Variants in PLCG2 observed in about 807,000 individuals in gnomAD.
PLCG2 encodes the protein 1-phosphatidylinositol 4,5-bisphosphate phosphodiesterase gamma-2.
Under a neutral mutation model 175.6 loss-of-function variants are expected in PLCG2, and 69 were observed. The observed-to-expected ratio is 0.39, with a 90% CI of 0.32 to 0.48. The LOEUF is 0.48. PLCG2 is among the 20% of genes least tolerant of loss of function. The pLI, the probability that PLCG2 is intolerant of heterozygous loss-of-function variation, is 0.91. For missense variants in PLCG2, 1,798 were observed against 1,650.9 expected, an observed-to-expected ratio of 1.09 and a Z score of -1.54; for synonymous variants, 827 against 624.0, an observed-to-expected ratio of 1.33 and a Z score of -4.85.
At chr16:81,866,117 C>T (rs1555513807) in intron 5 of PLCG2, among the ~76,000 whole-genome samples, 1 of 120,302 alleles carries the variant, frequency 8.3e-6, no homozygotes, top group Non-Finnish European at 1.7e-5. Flanking sequence ...ATGCTGGTCT[C>T]TCCCTTGCTC....
At chr16:81,758,371 A>T (rs1909972541) in intron 2 of PLCG2, among the ~76,000 whole-genome samples, 1 of 152,180 alleles carries the variant, frequency 6.6e-6, no homozygotes, top group South Asian at 2.1e-4. Context: ...CATTTTATGG[A>T]TAGATCACAT....
chr16:81,826,680 G>T (rs1371534199), intron 2 of PLCG2, among the ~76,000 whole-genome samples: 1 of 152,092 alleles, frequency 6.6e-6, no homozygotes, highest in African/African-American at 2.4e-5. Context: ...ATTAACCTCT[G>T]TCCTTGGCGC....
At position 81,960,975 on chromosome 16, in the gene PLCG2, T is replaced by G. The variant is rs1233997504; in HGVS notation, c.*2977T>G. ...AAAATATGGCTGTCTCCACCTCTAG[T>G]CTTACTGTAGAGCATGTCCCAAGGT... is the stretch of plus-strand genomic sequence containing the variant. On this transcript the variant is annotated 3_prime_UTR_variant, in exon 33 of 33. Coordinates refer to ENST00000564138, the MANE Select transcript of PLCG2 (RefSeq NM_002661.5). 4.4e-6 allele frequency: 1 copy of G among 229,832 alleles called. No homozygotes were observed. Among genetic ancestry groups the G allele is most frequent in the Non-Finnish European group, 8.6e-6 (1 of 115,972 alleles). 14.2% of individuals were successfully genotyped at this position (229,832 alleles called of 1,614,324 possible). A position where few individuals can be genotyped will look rare whatever the true frequency, so the allele number is the denominator to read the frequency against.
chr16:81,882,263 T>G (rs577092108), intron 8 of PLCG2, among the ~76,000 whole-genome samples: 43 of 152,330 alleles, frequency 2.8e-4, no homozygotes, highest in African/African-American at 1.0e-3. Flanking sequence ...GGTGGCCTGC[T>G]GGCCAAGGCG....
At chr16:81,787,039 TTAA>T (rs1015765039) in intron 2 of PLCG2, among the ~76,000 whole-genome samples, 5 of 152,216 alleles carry the variant, frequency 3.3e-5, no homozygotes, top group African/African-American at 4.8e-5. Flanking sequence ...TTTTTGTTAA[TTAA>T]TAATGATGTT....
chr16:81,862,343 T>A (rs994824643), intron 5 of PLCG2, among the ~76,000 whole-genome samples: 3 of 152,232 alleles, frequency 2.0e-5, no homozygotes, highest in Admixed American at 1.3e-4. Flanking sequence ...GGCATTTGTT[T>A]ACAGCCTTCT....
intron 2 of PLCG2, among the ~76,000 whole-genome samples, chr16:81,838,409 T>C (rs529556272): frequency 2.3e-4 from 35 of 152,286 alleles, no homozygotes; most frequent in African/African-American, 8.4e-4. Context: ...AATGTCTTTA[T>C]TAAAATATAA....
chr16:81,937,639 C>G, intron 27 of PLCG2, 119 bp from the exon 28 acceptor site: 1 of 817,980 alleles, frequency 1.2e-6, no homozygotes, highest in Non-Finnish European at 1.9e-6. Context: ...CCTATTTGAA[C>G]AGCTGCCTCA....
chr16:81,811,218 G>A (rs1904317020), intron 2 of PLCG2, among the ~76,000 whole-genome samples: 1 of 152,316 alleles, frequency 6.6e-6, no homozygotes, highest in South Asian at 2.1e-4. Context: ...TTGGGTCTCA[G>A]TGTCTGCATC....
At chr16:81,758,981 G>A (rs780338421) in intron 2 of PLCG2, among the ~76,000 whole-genome samples, 6 of 152,018 alleles carry the variant, frequency 3.9e-5, no homozygotes, top group Admixed American at 6.6e-5. Context: ...CCCGGCTATC[G>A]TCCATCTTTT....
At chr16:81,867,354 C>T (rs1907292772) in intron 5 of PLCG2, among the ~76,000 whole-genome samples, 1 of 152,178 alleles carries the variant, frequency 6.6e-6, no homozygotes, top group Admixed American at 6.5e-5. Flanking sequence ...ATATTCTTGA[C>T]CCACCCACCC....
intron 2 of PLCG2, among the ~76,000 whole-genome samples, chr16:81,761,346 C>T (rs914362783): frequency 2.6e-5 from 4 of 152,174 alleles, no homozygotes; most frequent in African/African-American, 9.7e-5. Context: ...GCCTGGGCAA[C>T]AGGGCCAGAC....
intron 13 of PLCG2, 60 bp from the exon 14 acceptor site, chr16:81,900,552 G>T: frequency 6.8e-7 from 1 of 1,471,936 alleles, no homozygotes; most frequent in South Asian, 1.3e-5. Flanking sequence ...GCCCCTCTGT[G>T]GGGCAGATGC....
chr16:81,782,958 C>T lies in PLCG2; in HGVS notation c.-47-2985C>T, dbSNP rs576021657. ...TAGGGCAACCTGTGAGCAGCTATTACAAAGCAATTGGTGAGACGCAGCATG... is the reference window on the plus strand; with the variant it reads ...TAGGGCAACCTGTGAGCAGCTATTATAAAGCAATTGGTGAGACGCAGCATG... On this transcript the variant is annotated intron_variant, in intron 1 of 32. Coordinates refer to ENST00000564138, the MANE Select transcript of PLCG2 (RefSeq NM_002661.5). Among the ~76,000 whole-genome samples, 8 of 152,182 alleles carry T rather than the reference C, an allele frequency of 5.3e-5. 1 individual carries two copies. In the South Asian group the frequency reaches 1.5e-3, roughly 28 times the overall value.
intron 7 of PLCG2, among the ~76,000 whole-genome samples, chr16:81,872,449 G>C (rs1010183700): frequency 1.3e-5 from 2 of 152,190 alleles, no homozygotes; most frequent in Admixed American, 1.3e-4. Flanking sequence ...GTGCTGGAAG[G>C]GGTTGGGAAG....
intron 25 of PLCG2, among the ~76,000 whole-genome samples, chr16:81,933,898 C>T (rs1327422510): frequency 6.6e-6 from 1 of 152,174 alleles, no homozygotes; most frequent in Non-Finnish European, 1.5e-5. Flanking sequence ...AAGGGAGGTA[C>T]CTCCTGAGTC....
rs2143254293 is a variant in PLCG2, at chr16:81,802,885, A to T, written c.193+16703A>T. Among the ~76,000 whole-genome samples, 2 of 152,290 alleles carry T rather than the reference A, an allele frequency of 1.3e-5. 1 individual carries two copies. ...GAGATAAAAACATTGTATACCCTAT[A>T]ATGTACCCCTTAATGTATACTGTTA... On this transcript the variant is annotated intron_variant, in intron 2 of 32. Transcript: ENST00000564138.
chr16:81,899,303 C>CATAA, intron 13 of PLCG2, among the ~76,000 whole-genome samples: 1 of 150,018 alleles, frequency 6.7e-6, no homozygotes, highest in South Asian at 2.1e-4. Flanking sequence ...CACACACACA[C>CATAA]ATAAATATAT....
Position 81,940,025 on chromosome 16 carries a change from T to C in PLCG2, c.3447T>C (p.Ala1149=), listed in dbSNP as rs1910874494. The C allele has an allele frequency of 1.2e-6, 2 of 1,613,946 alleles. No individual in the cohort carries two copies. Among genetic ancestry groups the C allele is most frequent in the Non-Finnish European group, 1.7e-6 (2 of 1,179,884 alleles). The change falls in exon 30 of 33, where the codon GCT becomes GCC. Residue 1149 remains alanine (A), a synonymous_variant. Coordinates refer to ENST00000564138, the MANE Select transcript of PLCG2 (RefSeq NM_002661.5). ...TGTTCAGCGATCCCAACTTTCTTGC[T>C]CATGCCACTTACCCCATTAAAGCAG... ...EDMFSDPNFL[A]HATYPIKAVK... is the part of the protein sequence containing the mutation.
Sources: gnomAD v4.1 joint callset for allele counts (sites outside exome capture counted in the v4.1 genomes callset) on GRCh38, gnomAD v4.1.1 for gene constraint, MANE v1.5 for transcripts, NCBI Gene and HGNC (gene_info 2026-07-23, HGNC 2026-07-21) for gene names.